FXR1: variants seen among roughly 807,000 people sequenced by gnomAD.
The protein encoded by FXR1 is RNA-binding protein FXR1.
Under a neutral mutation model 84.0 loss-of-function variants are expected in FXR1, and 15 were observed. The observed-to-expected ratio is 0.18, with a 90% confidence interval of 0.12 to 0.27. The LOEUF (loss-of-function observed/expected upper bound fraction) is 0.27, where lower values mean the gene tolerates loss of function less well. Ranked by LOEUF, FXR1 falls within the 10% of genes least tolerant of loss-of-function variation. FXR1 has a pLI of 1.00. For missense variants in FXR1, 480 were observed against 774.4 expected, an observed-to-expected ratio of 0.62 and a Z score of 4.51; for synonymous variants, 245 against 250.7, an observed-to-expected ratio of 0.98 and a Z score of 0.21.
At chr3:180,942,518 G>T (rs752694124) in intron 3 of FXR1, among the ~76,000 whole-genome samples, 4 of 147,702 alleles carry the variant, frequency 2.7e-5, no homozygotes, top group African/African-American at 5.0e-5. Context: ...GATTTTTTTT[G>T]AAACAGAATT....
intron 9 of FXR1, chr3:180,957,612 C>G (rs966120327): frequency 6.5e-6 from 3 of 459,674 alleles, no homozygotes; most frequent in Non-Finnish European, 3.9e-6. Flanking sequence ...AGTTAGTAAC[C>G]TTAGGCGTGC....
chr3:180,931,170 ATTAATAAATATCTCCAG>A (rs1182437040), intron 1 of FXR1, among the ~76,000 whole-genome samples: 1 of 152,122 alleles, frequency 6.6e-6, no homozygotes, highest in Non-Finnish European at 1.5e-5. Flanking sequence ...GGGAGGATTA[ATTAATAAATATCTCCAG>A]AATTGCAAGG....
chr3:180,924,502 A>AG (rs1035864391), intron 1 of FXR1, among the ~76,000 whole-genome samples: 3 of 152,200 alleles, frequency 2.0e-5, no homozygotes, highest in African/African-American at 7.2e-5. Flanking sequence ...GGTGCAGAGC[A>AG]GGACAACAGA....
chr3:180,935,006 T>C (rs760479795), intron 2 of FXR1, 132 bp from the exon 3 acceptor site: 1 of 540,532 alleles, frequency 1.9e-6, no homozygotes, highest in African/African-American at 1.9e-5. Context: ...CTTGGGAAAT[T>C]ATTAATAGTA....
chr3:180,933,417 T>C, intron 2 of FXR1, 31 bp downstream of exon 2: 1 of 1,290,974 alleles, frequency 7.7e-7, no homozygotes, highest in Non-Finnish European at 1.1e-6. Context: ...AAGGCCTTAA[T>C]TTTAGAGATG....
chr3:180,967,599 A>G (rs1560020301), intron 13 of FXR1, among the ~76,000 whole-genome samples: 1 of 151,754 alleles, frequency 6.6e-6, no homozygotes, highest in East Asian at 1.9e-4. Flanking sequence ...AAACCTAGGA[A>G]TTAATGTTCT....
At chr3:180,955,903 T>C (rs1722697471) in intron 9 of FXR1, among the ~76,000 whole-genome samples, 1 of 152,206 alleles carries the variant, frequency 6.6e-6, no homozygotes, top group Non-Finnish European at 1.5e-5. Context: ...GCTTTGGTGA[T>C]GTGGGTTGTG....
intron 1 of FXR1, among the ~76,000 whole-genome samples, chr3:180,932,817 T>C (rs1266692748): frequency 6.6e-6 from 1 of 152,256 alleles, no homozygotes; most frequent in Non-Finnish European, 1.5e-5. Context: ...ATAACATTTA[T>C]AACAAAATTG....
chr3:180,953,563 T>G (rs1042371831), intron 8 of FXR1, among the ~76,000 whole-genome samples, 199 bp from the exon 9 acceptor site: 2 of 152,318 alleles, frequency 1.3e-5, no homozygotes, highest in Admixed American at 6.5e-5. Flanking sequence ...ACTGACTGAT[T>G]TGGGGTTTTT....
intron 1 of FXR1, among the ~76,000 whole-genome samples, chr3:180,924,289 A>G (rs1205073437): frequency 2.6e-5 from 4 of 152,114 alleles, no homozygotes; most frequent in Non-Finnish European, 5.9e-5. Flanking sequence ...AAGCACAGAA[A>G]CACAGTTTCT....
intron 10 of FXR1, among the ~76,000 whole-genome samples, chr3:180,959,268 T>C (rs1396681324): frequency 1.3e-5 from 2 of 152,152 alleles, no homozygotes; most frequent in African/African-American, 4.8e-5. Flanking sequence ...CACATGTTGA[T>C]GATGTTTTGT....
At chr3:180,915,346 A>ATT (rs1717755741) in intron 1 of FXR1, 1 of 578,498 alleles carries the variant, frequency 1.7e-6, no homozygotes, top group Admixed American at 3.4e-5. Context: ...TCAGTCAACC[A>ATT]TTCCTCAACC....
Position 180,981,330 on chromosome 3 carries a change from C to T in FXR1, c.*5038C>T, listed in dbSNP as rs1024811307. The T allele has an allele frequency of 1.3e-5, 2 of 151,938 alleles. No homozygotes were observed. The highest frequency in any genetic ancestry group is 4.8e-5 in the African/African-American group (2 of 41,402). 9.4% of individuals were successfully genotyped at this position (151,938 alleles called of 1,614,324 possible). A position where few individuals can be genotyped will look rare whatever the true frequency, so the allele number is the denominator to read the frequency against. On this transcript the variant is annotated 3_prime_UTR_variant, in exon 17 of 17. Coordinates refer to ENST00000357559, the MANE Select transcript of FXR1 (RefSeq NM_005087.4). ...GTGGCAATATATTAAGAAGCTAGTT[C>T]CCTAATTTTTCTCAGTTCTCATTGG...
At chr3:180,915,822 A>G (rs1277050535) in intron 1 of FXR1, among the ~76,000 whole-genome samples, 6 of 152,252 alleles carry the variant, frequency 3.9e-5, no homozygotes, top group Admixed American at 3.9e-4. Flanking sequence ...AATTGGAACC[A>G]GTGAAACGCT....
intron 3 of FXR1, among the ~76,000 whole-genome samples, chr3:180,940,223 C>T (rs1335623852): frequency 2.0e-5 from 3 of 152,208 alleles, no homozygotes; most frequent in Non-Finnish European, 4.4e-5. Context: ...ATGGTGTCAT[C>T]TCTTTAAAAA....
intron 1 of FXR1, chr3:180,914,926 A>C (rs766107528): frequency 4.8e-4 from 468 of 984,896 alleles, no homozygotes; most frequent in Non-Finnish European, 5.4e-4. Flanking sequence ...GGTCTTCAGA[A>C]CTCTGGAAGA....
Position 180,951,533 on chromosome 3 carries a change from T to A in FXR1, c.801+65T>A, listed in dbSNP as rs1193973791. On this transcript the variant is annotated intron_variant, in intron 8 of 16. Coordinates refer to ENST00000357559, the MANE Select transcript of FXR1 (RefSeq NM_005087.4). The stretch of plus-strand genomic sequence containing the variant: ...ACCATCTATTGTTTGATTATATTTT[T>A]ATCTGAAATTCCAGTTTCCCATGAA... 5 of 1,163,900 alleles carry A rather than the reference T, an allele frequency of 4.3e-6. No individual in the cohort carries two copies. In the African/African-American group the frequency reaches 6.2e-5, roughly 14 times the overall value. 72.1% of individuals were successfully genotyped at this position (1,163,900 alleles called of 1,614,324 possible).
In FXR1 at chr3:180,912,691, G is replaced by A. The variant is rs756196237; in HGVS notation, c.6G>A (p.Ala2=). The A allele has an allele frequency of 6.2e-6, 10 of 1,613,816 alleles. No individual in the cohort carries two copies. In the African/African-American group the frequency reaches 6.7e-5, roughly 11 times the overall value. M[A]ELTVEVRGSN... The stretch of plus-strand genomic sequence containing the variant: ...GCGGCCTTTGCGGTTCCAACATGGC[G>A]GAGCTGACGGTGGAGGTTCGCGGCT... Residue 2 remains alanine (A), a synonymous_variant, in exon 1 of 17, where the codon GCG becomes GCA. Transcript: ENST00000357559.
At chr3:180,963,969 G>A (rs2108486067) in intron 13 of FXR1, among the ~76,000 whole-genome samples, 1 of 152,064 alleles carries the variant, frequency 6.6e-6, no homozygotes, top group South Asian at 2.1e-4. Context: ...AAAATGTAAG[G>A]CATTTAAGGA....
Sources: allele counts gnomAD v4.1 joint callset (sites outside exome capture counted in the v4.1 genomes callset), GRCh38; gene constraint gnomAD v4.1.1; transcripts MANE v1.5; gene names NCBI Gene and HGNC (gene_info 2026-07-23, HGNC 2026-07-21).